The following HECW1 variants were observed in gnomAD, a reference collection of about 807,000 sequenced individuals.
The protein encoded by HECW1 is E3 ubiquitin-protein ligase HECW1.
HECW1 carries 61 observed loss-of-function variants against 182.3 expected under a neutral mutation model. The ratio of observed to expected loss-of-function variants is 0.33; its 90% CI spans 0.27 to 0.41. HECW1 has a LOEUF of 0.41. HECW1 is among the 10% of genes least tolerant of loss of function. The pLI, the probability that HECW1 is intolerant of heterozygous loss-of-function variation, is 1.00. For missense variants in HECW1, 1,739 were observed against 2,108.9 expected (o/e 0.82, Z 3.44); for synonymous variants, 859 against 832.6 (o/e 1.03, Z -0.55).
intron 5 of HECW1, among the ~76,000 whole-genome samples, chr7:43,331,387 G>A (rs1328863979): frequency 6.6e-6 from 1 of 151,842 alleles, no homozygotes; most frequent in Non-Finnish European, 1.5e-5. Flanking sequence ...TCAGGAGATC[G>A]AGACCATCCT....
At chr7:43,150,472 G>A (rs1204196115) in intron 2 of HECW1, among the ~76,000 whole-genome samples, 2 of 152,088 alleles carry the variant, frequency 1.3e-5, no homozygotes, top group Admixed American at 1.3e-4. Flanking sequence ...TCTGCTTCCT[G>A]GGTTCAAGTG....
At chr7:43,197,500 G>C (rs765165854) in intron 2 of HECW1, among the ~76,000 whole-genome samples, 2 of 152,198 alleles carry the variant, frequency 1.3e-5, no homozygotes, top group Non-Finnish European at 2.9e-5. Context: ...CCCAAGGAGA[G>C]GGTGGGACCC....
rs749936772 is a variant in HECW1, at chr7:43,311,654, A to G, written c.28-109A>G. The stretch of plus-strand genomic sequence containing the variant: ...ATGTTTCATATCTGCCCAGCAGGGC[A>G]GCTCACTCACAGCGCGTGTCTCCCA... On this transcript the variant is annotated intron_variant, in intron 3 of 29. Coordinates refer to ENST00000395891, the MANE Select transcript of HECW1 (RefSeq NM_015052.5). 5.2e-6 allele frequency: 5 copies of G among 955,008 alleles called. No individual in the cohort carries two copies. In the African/African-American group the frequency reaches 8.0e-5, roughly 15 times the overall value. The allele number at this position is 955,008 out of a possible 1,614,324, so 59.2% of individuals were successfully genotyped here. A position where few individuals can be genotyped will look rare whatever the true frequency, so the allele number is the denominator to read the frequency against.
intron 11 of HECW1, among the ~76,000 whole-genome samples, chr7:43,446,154 T>TTGTTGTTGTTGTTG (rs1554420488): frequency 6.6e-6 from 1 of 151,714 alleles, no homozygotes; most frequent in Admixed American, 6.6e-5. Flanking sequence ...TTGGTTTTGT[T>TTGTTGTTGTTGTTG]TTGTTGTTGT....
chr7:43,388,104 G>C (rs760299479), intron 6 of HECW1, among the ~76,000 whole-genome samples: 1 of 152,210 alleles, frequency 6.6e-6, no homozygotes, highest in Non-Finnish European at 1.5e-5. Context: ...CAGAGGAGGA[G>C]CTGGCAGAGA....
chr7:43,490,850 T>C (rs575284846), intron 17 of HECW1, among the ~76,000 whole-genome samples: 70 of 152,278 alleles, frequency 4.6e-4, no homozygotes, highest in African/African-American at 1.5e-3. Context: ...CTATGCCTCC[T>C]GGGTTCAAGG....
intron 29 of HECW1, among the ~76,000 whole-genome samples, chr7:43,558,856 T>A (rs1431586530): frequency 6.6e-6 from 1 of 151,966 alleles, no homozygotes; most frequent in African/African-American, 2.4e-5. Flanking sequence ...GGTGGAGCGG[T>A]ATGGGCTTCT....
At chr7:43,416,864 G>A (rs996817357) in intron 8 of HECW1, among the ~76,000 whole-genome samples, 1 of 30 alleles carries the variant, frequency 0.033, no homozygotes, top group African/African-American at 0.12. Context: ...CCCAGGTGAG[G>A]CAATGCTCGC....
chr7:43,261,743 A>G (rs576146801), intron 3 of HECW1, among the ~76,000 whole-genome samples: 1 of 152,336 alleles, frequency 6.6e-6, no homozygotes, highest in South Asian at 2.1e-4. Context: ...TGGTTGCTGA[A>G]TTTTGGCCAT....
At chr7:43,400,305 C>G (rs1160170278) in intron 7 of HECW1, among the ~76,000 whole-genome samples, 4 of 152,120 alleles carry the variant, frequency 2.6e-5, no homozygotes, top group Non-Finnish European at 4.4e-5. Flanking sequence ...ATCAGCAAAG[C>G]CCACAAAATA....
chr7:43,182,133 T>C (rs548527790), intron 2 of HECW1, among the ~76,000 whole-genome samples: 31 of 152,342 alleles, frequency 2.0e-4, no homozygotes, highest in African/African-American at 6.7e-4. Flanking sequence ...TTTCATTTGC[T>C]GTGTGGAAGT....
At chr7:43,430,108 A>G (rs1426976318) in intron 8 of HECW1, among the ~76,000 whole-genome samples, 2 of 152,196 alleles carry the variant, frequency 1.3e-5, no homozygotes, top group African/African-American at 4.8e-5. Context: ...AGTGTGCATA[A>G]ATGAATCACT....
chr7:43,230,954 G>A (rs1479625042), intron 2 of HECW1, among the ~76,000 whole-genome samples: 2 of 152,118 alleles, frequency 1.3e-5, no homozygotes, highest in Non-Finnish European at 2.9e-5. Flanking sequence ...ACATCATCAG[G>A]GCCCTCCAGC....
At chr7:43,319,601 C>CTTTTTTTTTTTTTTTTTTTTTTTT (rs796502195) in intron 4 of HECW1, among the ~76,000 whole-genome samples, 6 of 47,438 alleles carry the variant, frequency 1.3e-4, no homozygotes, top group African/African-American at 7.6e-4. Context: ...CTTTTCTTTT[C>CTTTTTTTTTTTTTTTTTTTTTTTT]TTTTTTTTTT....
intron 8 of HECW1, among the ~76,000 whole-genome samples, chr7:43,431,221 C>T (rs909770747): frequency 2.6e-5 from 4 of 152,136 alleles, no homozygotes; most frequent in South Asian, 2.1e-4. Context: ...GCACTTATAC[C>T]GTAGAACTTG....
chr7:43,443,652 T>A (rs1336004323), intron 10 of HECW1, among the ~76,000 whole-genome samples: 5 of 152,216 alleles, frequency 3.3e-5, no homozygotes, highest in African/African-American at 4.8e-5. Flanking sequence ...TTGTTTTTTT[T>A]AAATTGGAAT....
intron 24 of HECW1, among the ~76,000 whole-genome samples, chr7:43,525,184 G>A (rs17209332): frequency 0.17 from 25,621 of 152,120 alleles, 2,662 homozygotes; most frequent in Non-Finnish European, 0.24. Flanking sequence ...CCAATAATCG[G>A]TCGGAATATG....
intron 4 of HECW1, among the ~76,000 whole-genome samples, chr7:43,320,423 G>A (rs531946895): frequency 7.9e-5 from 12 of 152,224 alleles, no homozygotes; most frequent in Non-Finnish European, 1.3e-4. Context: ...TGCCAGCAGT[G>A]CTATGGGGTT....
chr7:43,250,177 A>T (rs1236851464), intron 3 of HECW1, among the ~76,000 whole-genome samples: 1 of 151,874 alleles, frequency 6.6e-6, no homozygotes, highest in African/African-American at 2.4e-5. Flanking sequence ...ACAAAATAAA[A>T]CTGGATTTGG....
Sources: allele counts gnomAD v4.1 joint callset (sites outside exome capture counted in the v4.1 genomes callset), GRCh38; gene constraint gnomAD v4.1.1; transcripts MANE v1.5; gene names NCBI Gene and HGNC (gene_info 2026-07-23, HGNC 2026-07-21).